PIPOX: variants seen among roughly 807,000 people sequenced by gnomAD.
PIPOX encodes the protein peroxisomal sarcosine oxidase.
In PIPOX, 45 loss-of-function variants were observed where a neutral mutation model predicts 47.9. The observed-to-expected ratio is 0.94, with a 90% confidence interval of 0.74 to 1.20. The LOEUF is 1.20. Ranked by LOEUF, PIPOX falls within the 50% of genes most tolerant of loss-of-function variation. The pLI, the probability that PIPOX is intolerant of heterozygous loss-of-function variation, is 0.00. For synonymous variants in PIPOX, 165 were observed against 191.3 expected (o/e 0.86, Z 1.13); for missense variants, 458 against 498.4 (o/e 0.92, Z 0.77).
intron 1 of PIPOX, among the ~76,000 whole-genome samples, chr17:29,043,808 T>G (rs11868047): frequency 0.025 from 3,616 of 145,298 alleles, 124 homozygotes; most frequent in African/African-American, 0.074. Context: ...GAAGCTTCTG[T>G]TTTTTTTTTT....
intron 2 of PIPOX, among the ~76,000 whole-genome samples, chr17:29,052,307 T>C (rs1201155040): frequency 6.6e-6 from 1 of 152,108 alleles, no homozygotes; most frequent in Non-Finnish European, 1.5e-5. Flanking sequence ...CCATGGGACA[T>C]GAAAGAGGAC....
Position 29,054,560 on chromosome 17 carries a change from G to T in PIPOX, c.676G>T (p.Val226Leu). The stretch of plus-strand genomic sequence containing the variant: ...CTGCCTCAAGACCCTGCGGATCAAC[G>T]TGTGTTACTGGCGAGAGATGGTTCC... ...EMPLQTLRINVCYWREMVPGS... is the reference protein window; with the variant it reads ...EMPLQTLRINLCYWREMVPGS... Residue 226 changes from valine (V) to leucine (L), a missense_variant, in exon 5 of 8, where the codon GTG (valine) becomes TTG (leucine). Coordinates refer to ENST00000323372, the MANE Select transcript of PIPOX (RefSeq NM_016518.3). 1 of 1,614,156 alleles carries T rather than the reference G, an allele frequency of 6.2e-7. No individual in the cohort carries two copies. The highest frequency in any genetic ancestry group is 1.1e-5 in the South Asian group (1 of 91,084).
intron 2 of PIPOX, among the ~76,000 whole-genome samples, chr17:29,048,654 G>T (rs2065794175): frequency 6.6e-6 from 1 of 152,232 alleles, no homozygotes; most frequent in Admixed American, 6.5e-5. Flanking sequence ...GACAGTATCA[G>T]ACAAGATCAC....
chr17:29,049,550 G>C (rs2152698480), intron 2 of PIPOX, among the ~76,000 whole-genome samples: 1 of 152,286 alleles, frequency 6.6e-6, no homozygotes, highest in East Asian at 1.9e-4. Flanking sequence ...ATACTGGGAG[G>C]AAAAGGCCCA....
chr17:29,052,125 C>T, intron 2 of PIPOX: 1 of 445,180 alleles, frequency 2.2e-6, no homozygotes, highest in Non-Finnish European at 4.6e-6. Flanking sequence ...GAATGAGAGA[C>T]AGAGACAGAC....
intron 2 of PIPOX, among the ~76,000 whole-genome samples, chr17:29,049,113 C>G (rs1485421339): frequency 6.6e-6 from 1 of 152,202 alleles, no homozygotes; most frequent in Non-Finnish European, 1.5e-5. Context: ...GTCAACAAGG[C>G]CCTCGGGAGG....
rs2065829101 is a variant in PIPOX at position 29,056,505 on chromosome 17, AAC to A, written c.*203_*204del. On this transcript the variant is annotated 3_prime_UTR_variant, in exon 8 of 8. Coordinates refer to ENST00000323372, the MANE Select transcript of PIPOX (RefSeq NM_016518.3). ...TTCTGCCTCACTTGAATCCCCCGTA[AAC>A]ACCAGACGATTGAGTCTACCTTCTT... The A allele has an allele frequency of 1.6e-6, 1 of 615,704 alleles. No individual in the cohort carries two copies. Among genetic ancestry groups the A allele is most frequent in the Non-Finnish European group, 2.8e-6 (1 of 354,766 alleles). 38.1% of individuals were successfully genotyped at this position (615,704 alleles called of 1,614,324 possible).
chr17:29,046,341 C>T (rs1037923140), intron 2 of PIPOX, among the ~76,000 whole-genome samples: 7 of 152,136 alleles, frequency 4.6e-5, no homozygotes, highest in Non-Finnish European at 1.0e-4. Context: ...CACAATGAGG[C>T]AACTAAGAGA....
intron 6 of PIPOX, 151 bp from the exon 7 acceptor site, chr17:29,055,662 C>A (rs952068549): frequency 3.4e-5 from 24 of 706,410 alleles, no homozygotes; most frequent in Non-Finnish European, 5.8e-5. Flanking sequence ...ACTGGCACAC[C>A]CAGAGGGGCA....
chr17:29,048,395 A>T (rs2065793237), intron 2 of PIPOX, among the ~76,000 whole-genome samples: 1 of 152,224 alleles, frequency 6.6e-6, no homozygotes, highest in African/African-American at 2.4e-5. Flanking sequence ...AGTGCTTTTC[A>T]TTCTGTTTAG....
In PIPOX at chr17:29,054,617, T is replaced by G. The variant is rs2065819927; in HGVS notation, c.733T>G (p.Cys245Gly). ...GSYGVSQAFP[C>G]FLWLGLCPHH... is the part of the protein sequence containing the mutation. ...CTATGGTGTGTCCCAGGCCTTTCCG[T>G]GCTTCCTGTGGCTGGGCTTGTGTCC... Residue 245 changes from cysteine (C) to glycine (G), a missense_variant, in exon 5 of 8, where the codon TGC (cysteine) becomes GGC (glycine). Coordinates refer to ENST00000323372, the MANE Select transcript of PIPOX (RefSeq NM_016518.3). 1 of 1,614,062 alleles carries G rather than the reference T, an allele frequency of 6.2e-7. No individual in the cohort carries two copies. The highest frequency in any genetic ancestry group is 8.5e-7 in the Non-Finnish European group (1 of 1,180,020).
rs374777363 is a variant in PIPOX at position 29,056,005 on chromosome 17, G to T, written c.1042+117G>T. 5.9e-3 allele frequency: 7,458 copies of T among 1,254,112 alleles called. 48 individuals carry two copies. Among genetic ancestry groups the T allele is most frequent in the South Asian group, 0.023 (1,899 of 81,644 alleles). The allele number at this position is 1,254,112 out of a possible 1,614,324, so 77.7% of individuals were successfully genotyped here. On this transcript the variant is annotated intron_variant, in intron 7 of 7. Coordinates refer to ENST00000323372, the MANE Select transcript of PIPOX (RefSeq NM_016518.3). ...ATAGGTGTGAAGCCTGGACATTGTA[G>T]GTATAAGGAGGCTGGGCAGTCAGAA...
In PIPOX at chr17:29,044,941, G is replaced by T. The variant is rs371864651; in HGVS notation, c.197G>T (p.Arg66Leu). 6.2e-7 allele frequency: 1 copy of T among 1,614,036 alleles called. No homozygotes were observed. Among genetic ancestry groups the T allele is most frequent in the African/African-American group, 1.3e-5 (1 of 74,932 alleles). Residue 66 changes from arginine to leucine, a missense_variant, in exon 2 of 8, where the codon CGG becomes CTG. Coordinates refer to ENST00000323372, the MANE Select transcript of PIPOX (RefSeq NM_016518.3). ...GCGTACCTGGAAGACTTTTACACCC[G>T]GATGATGCATGAGTGCTATCAGATA... ...RKAYLEDFYTRMMHECYQIWA... is the reference protein window; with the variant it reads ...RKAYLEDFYTLMMHECYQIWA...
intron 2 of PIPOX, chr17:29,046,810 C>G (rs181396881): frequency 9.5e-6 from 9 of 951,920 alleles, no homozygotes; most frequent in Non-Finnish European, 1.1e-5. Flanking sequence ...CTCTGACACG[C>G]TCAGCTGTGT....
rs1382031289 is a variant in PIPOX, at chr17:29,053,463, G to C, written c.528G>C (p.Val176=). 6.2e-7 allele frequency: 1 copy of C among 1,614,082 alleles called. No homozygotes were observed. Among genetic ancestry groups the C allele is most frequent in the African/African-American group, 1.3e-5 (1 of 74,938 alleles). The change falls in exon 4 of 8, where the codon GTG becomes GTC. Residue 176 remains valine, a synonymous_variant. Coordinates refer to ENST00000323372, the MANE Select transcript of PIPOX (RefSeq NM_016518.3). Reference sequence around the variant, plus strand: ...TAGTGCGTGACGGAGAGAAGGTGGTGGAGATAAACCCAGGGCTACTGGTCA... The same window carrying C: ...TAGTGCGTGACGGAGAGAAGGTGGTCGAGATAAACCCAGGGCTACTGGTCA... ...GGIVRDGEKV[V]EINPGLLVTV... is the part of the protein sequence containing the mutation.
intron 1 of PIPOX, among the ~76,000 whole-genome samples, chr17:29,043,575 G>A (rs2065774591): frequency 6.6e-6 from 1 of 152,128 alleles, no homozygotes; most frequent in South Asian, 2.1e-4. Flanking sequence ...CTGCTTCCCA[G>A]TTCCTGCCCT....
At chr17:29,052,060 A>ACAGAGC (rs1175547822) in intron 2 of PIPOX, 1 of 470,888 alleles carries the variant, frequency 2.1e-6, no homozygotes, top group South Asian at 1.5e-5. Context: ...AGGACTAGAG[A>ACAGAGC]CAGAGCCAGA....
In PIPOX at chr17:29,056,167, C is replaced by A. The variant is rs766858307; in HGVS notation, c.1043-8C>A. The A allele has an allele frequency of 2.5e-6, 4 of 1,614,066 alleles. No homozygotes were observed. The highest frequency in any genetic ancestry group is 3.4e-6 in the Non-Finnish European group (4 of 1,179,978). ...AAGCTGCCTGAGAGTCTGCTCTTCC[C>A]TTCCTAGGGCACGGGTTCAAGCTGG... On this transcript the variant is annotated splice_polypyrimidine_tract_variant and splice_region_variant and intron_variant, in intron 7 of 7. Transcript: ENST00000323372.
Position 29,056,503 on chromosome 17 carries a change from T to C in PIPOX, c.*198T>C, listed in dbSNP as rs2065829067. ...TCTTCTGCCTCACTTGAATCCCCCGTAAACACCAGACGATTGAGTCTACCT... is the reference window on the plus strand; with the variant it reads ...TCTTCTGCCTCACTTGAATCCCCCGCAAACACCAGACGATTGAGTCTACCT... On this transcript the variant is annotated 3_prime_UTR_variant, in exon 8 of 8. Coordinates refer to ENST00000323372, the MANE Select transcript of PIPOX (RefSeq NM_016518.3). 1.6e-6 allele frequency: 1 copy of C among 621,702 alleles called. No homozygotes were observed. The highest frequency in any genetic ancestry group is 2.8e-6 in the Non-Finnish European group (1 of 359,260). 38.5% of individuals were successfully genotyped at this position (621,702 alleles called of 1,614,324 possible). A position where few individuals can be genotyped will look rare whatever the true frequency, so the allele number is the denominator to read the frequency against.
Sources: gnomAD v4.1 joint callset for allele counts (sites outside exome capture counted in the v4.1 genomes callset) on GRCh38, gnomAD v4.1.1 for gene constraint, MANE v1.5 for transcripts, NCBI Gene and HGNC (gene_info 2026-07-23, HGNC 2026-07-21) for gene names.